The following WWOX variants were observed in gnomAD, a reference collection of about 807,000 sequenced individuals.
WWOX encodes WW domain containing oxidoreductase, also known as WW domain-containing oxidoreductase.
Under a neutral mutation model 46.2 loss-of-function variants are expected in WWOX, and 69 were observed. The ratio of observed to expected loss-of-function variants is 1.49; its 90% CI spans 1.23 to 1.82. The LOEUF (loss-of-function observed/expected upper bound fraction) is 1.82, where lower values mean the gene tolerates loss of function less well. WWOX is among the 40% of genes most tolerant of loss of function. The pLI is 0.00. For synonymous variants in WWOX, 359 were observed against 202.6 expected (o/e 1.77, Z -6.56); for missense variants, 919 against 542.6 (o/e 1.69, Z -6.89).
At chr16:79,183,328 GA>G (rs1175349238) in intron 8 of WWOX, among the ~76,000 whole-genome samples, 1 of 152,022 alleles carries the variant, frequency 6.6e-6, no homozygotes. Flanking sequence ...CTCCCAGAAG[GA>G]AAAAAATGAG....
At chr16:78,983,851 A>T (rs111491418) in intron 8 of WWOX, among the ~76,000 whole-genome samples, 1,473 of 142,618 alleles carry the variant, frequency 0.01, 24 homozygotes, top group African/African-American at 0.035. Flanking sequence ...GAAGCAGTCC[A>T]TCTGTTATGA....
intron 8 of WWOX, among the ~76,000 whole-genome samples, chr16:79,038,620 G>A (rs2047912994): frequency 6.6e-6 from 1 of 152,128 alleles, no homozygotes; most frequent in Non-Finnish European, 1.5e-5. Context: ...TGCAATCTCA[G>A]CTCACTGCAA....
In WWOX at chr16:78,733,043, T is replaced by C. The variant is rs1023089861; in HGVS notation, c.1056+300291T>C. On this transcript the variant is annotated intron_variant, in intron 8 of 8. Transcript: ENST00000566780. ...TTTACCCCTCTTTGCTTTTACGGTT[T>C]TCACATTTTAATAATGTAAAACCAT... 5.9e-5 allele frequency among the ~76,000 whole-genome samples: 9 copies of C among 152,326 alleles called. No homozygotes were observed. The East Asian group carries it at 1.7e-3, about 29-fold the overall frequency.
Position 78,099,693 on chromosome 16 carries a change from G to C in WWOX, c.-86G>C, listed in dbSNP as rs1240129395. On this transcript the variant is annotated 5_prime_UTR_variant, in exon 1 of 9. Coordinates refer to ENST00000566780, the MANE Select transcript of WWOX (RefSeq NM_016373.4). ...TGAGCGGTCGGGCCCCGACGCGCGC[G>C]GGTCTCGTTTGGAGCGGGAGTGAGT... is the stretch of plus-strand genomic sequence containing the variant. 2 of 1,442,070 alleles carry C rather than the reference G, an allele frequency of 1.4e-6. No individual in the cohort carries two copies. Among genetic ancestry groups the C allele is most frequent in the Non-Finnish European group, 1.8e-6 (2 of 1,096,732 alleles). The allele number at this position is 1,442,070 out of a possible 1,614,324, so 89.3% of individuals were successfully genotyped here.
At chr16:78,188,988 G>T (rs2035796355) in intron 5 of WWOX, among the ~76,000 whole-genome samples, 1 of 152,186 alleles carries the variant, frequency 6.6e-6, no homozygotes, top group Non-Finnish European at 1.5e-5. Flanking sequence ...ATGGGGGAAG[G>T]GGGCAGGAAG....
At chr16:79,033,757 C>G (rs773277949) in intron 8 of WWOX, among the ~76,000 whole-genome samples, 11 of 152,240 alleles carry the variant, frequency 7.2e-5, no homozygotes, top group Non-Finnish European at 1.3e-4. Flanking sequence ...CCATTCTCCC[C>G]TACTTTGTCT....
At chr16:78,300,632 T>G (rs2080023988) in intron 5 of WWOX, among the ~76,000 whole-genome samples, 1 of 152,172 alleles carries the variant, frequency 6.6e-6, no homozygotes, top group Non-Finnish European at 1.5e-5. Flanking sequence ...ATGGCTTGAC[T>G]TTTTCGGGAA....
intron 8 of WWOX, among the ~76,000 whole-genome samples, chr16:78,611,535 C>G (rs1391566699): frequency 1.3e-5 from 2 of 152,184 alleles, no homozygotes; most frequent in Non-Finnish European, 2.9e-5. Flanking sequence ...GAGGTACTGG[C>G]CAGCTCTGTA....
chr16:78,578,580 G>A (rs565854022), intron 8 of WWOX, among the ~76,000 whole-genome samples: 10 of 151,818 alleles, frequency 6.6e-5, no homozygotes, highest in African/African-American at 1.2e-4. Context: ...GAGCCACCGC[G>A]GCTGGCGAAA....
intron 8 of WWOX, among the ~76,000 whole-genome samples, chr16:78,554,312 T>C (rs182778118): frequency 3.0e-4 from 45 of 152,210 alleles, no homozygotes; most frequent in Admixed American, 4.6e-4. Context: ...TGTTCCATTA[T>C]TGGAACACTA....
At chr16:78,570,272 G>A (rs898165022) in intron 8 of WWOX, among the ~76,000 whole-genome samples, 5 of 152,126 alleles carry the variant, frequency 3.3e-5, no homozygotes, top group East Asian at 3.9e-4. Context: ...GCGTATAAAT[G>A]TCCAGTTTCA....
chr16:79,014,663 G>T (rs1362158958), intron 8 of WWOX, among the ~76,000 whole-genome samples: 1 of 152,276 alleles, frequency 6.6e-6, no homozygotes, highest in South Asian at 2.1e-4. Flanking sequence ...TGTCACTGCA[G>T]CAAAGGGGAC....
intron 5 of WWOX, among the ~76,000 whole-genome samples, chr16:78,296,528 A>G (rs2079946561): frequency 2.0e-5 from 3 of 150,674 alleles, no homozygotes; most frequent in Admixed American, 6.6e-5. Context: ...TATTATTATT[A>G]TTTTCATTTT....
chr16:79,108,017 A>G (rs903022771), intron 8 of WWOX, among the ~76,000 whole-genome samples: 13 of 152,252 alleles, frequency 8.5e-5, no homozygotes, highest in African/African-American at 2.2e-4. Context: ...ATTACAAAAT[A>G]TCTGGGATAA....
chr16:78,596,926 A>G (rs141251358), intron 8 of WWOX, among the ~76,000 whole-genome samples: 58 of 152,248 alleles, frequency 3.8e-4, no homozygotes, highest in African/African-American at 1.3e-3. Context: ...TCTTGATGCT[A>G]TCCTCAATAA....
At chr16:78,762,154 CA>C (rs1474097541) in intron 8 of WWOX, among the ~76,000 whole-genome samples, 1 of 152,140 alleles carries the variant, frequency 6.6e-6, no homozygotes, top group African/African-American at 2.4e-5. Context: ...ATTAGGAAAC[CA>C]AGGTCAAAAG....
chr16:78,184,579 A>G (rs2035637690), intron 5 of WWOX, among the ~76,000 whole-genome samples: 1 of 151,700 alleles, frequency 6.6e-6, no homozygotes, highest in South Asian at 2.1e-4. Flanking sequence ...TTATACTATA[A>G]ACATATGGCA....
intron 8 of WWOX, among the ~76,000 whole-genome samples, chr16:78,561,982 A>ACG (rs397697586): frequency 1.3e-5 from 2 of 151,810 alleles, no homozygotes; most frequent in African/African-American, 4.9e-5. Flanking sequence ...CCAACCTAAC[A>ACG]ATGGGTTGAC....
At chr16:78,832,547 G>T (rs1387515668) in intron 8 of WWOX, among the ~76,000 whole-genome samples, 1 of 152,174 alleles carries the variant, frequency 6.6e-6, no homozygotes, top group African/African-American at 2.4e-5. Flanking sequence ...CACACACCCT[G>T]ACTCTCCTAA....
Sources: gnomAD v4.1 joint callset for allele counts (sites outside exome capture counted in the v4.1 genomes callset) on GRCh38, gnomAD v4.1.1 for gene constraint, MANE v1.5 for transcripts, NCBI Gene and HGNC (gene_info 2026-07-23, HGNC 2026-07-21) for gene names.